The following FOXP1 variants were observed in gnomAD, a reference collection of about 807,000 sequenced individuals.
FOXP1 encodes forkhead box protein P1.
Under a neutral mutation model 98.2 loss-of-function variants are expected in FOXP1, and 15 were observed. The ratio of observed to expected loss-of-function variants is 0.15; its 90% CI spans 0.10 to 0.24. The LOEUF is 0.24. FOXP1 is among the 10% of genes least tolerant of loss of function. The pLI, the probability that FOXP1 is intolerant of heterozygous loss-of-function variation, is 1.00. For synonymous variants in FOXP1, 371 were observed against 314.5 expected, an observed-to-expected ratio of 1.18 and a Z score of -1.90; for missense variants, 633 against 848.5, an observed-to-expected ratio of 0.75 and a Z score of 3.15.
chr3:71,253,006 A>G (rs914379512), intron 5 of FOXP1, among the ~76,000 whole-genome samples: 4 of 152,120 alleles, frequency 2.6e-5, no homozygotes, highest in East Asian at 1.9e-4. Context: ...AGCATCCACA[A>G]TGCAGCTGAC....
intron 3 of FOXP1, among the ~76,000 whole-genome samples, chr3:71,465,492 T>G (rs1173410263): frequency 6.6e-6 from 1 of 152,154 alleles, no homozygotes; most frequent in Non-Finnish European, 1.5e-5. Context: ...GGACGTGGTC[T>G]AACCTAAGCC....
At chr3:71,353,963 T>C (rs1389280284) in intron 4 of FOXP1, among the ~76,000 whole-genome samples, 2 of 152,078 alleles carry the variant, frequency 1.3e-5, no homozygotes, top group Non-Finnish European at 2.9e-5. Flanking sequence ...AAAAGAGAAG[T>C]GATGTGAATT....
At chr3:71,476,474 T>C (rs752822234) in intron 3 of FOXP1, among the ~76,000 whole-genome samples, 4 of 152,082 alleles carry the variant, frequency 2.6e-5, no homozygotes, top group Admixed American at 1.3e-4. Context: ...ATCAGTTATG[T>C]CTACGACTGC....
intron 5 of FOXP1, among the ~76,000 whole-genome samples, chr3:71,205,530 A>G (rs560311291): frequency 9.2e-5 from 14 of 152,322 alleles, no homozygotes; most frequent in Non-Finnish European, 1.9e-4. Flanking sequence ...AAACCAAAAC[A>G]AATGTGGCCA....
intron 19 of FOXP1, among the ~76,000 whole-genome samples, chr3:70,967,412 A>G (rs1252783184): frequency 6.6e-6 from 1 of 152,148 alleles, no homozygotes; most frequent in Non-Finnish European, 1.5e-5. Context: ...GCTCGGCCCT[A>G]TGTAAGCCCA....
intron 7 of FOXP1, among the ~76,000 whole-genome samples, chr3:71,061,873 A>G (rs2051542787): frequency 6.6e-6 from 1 of 152,206 alleles, no homozygotes; most frequent in African/African-American, 2.4e-5. Flanking sequence ...CTGAGAAGCT[A>G]GTCACAACAT....
chr3:71,161,663 G>C (rs73838201), intron 6 of FOXP1, among the ~76,000 whole-genome samples: 3,664 of 152,318 alleles, frequency 0.024, 151 homozygotes, highest in African/African-American at 0.083. Flanking sequence ...TGTCAAGCAA[G>C]AGAATTTAAG....
intron 2 of FOXP1, among the ~76,000 whole-genome samples, chr3:71,545,608 TAA>T (rs1430774481): frequency 2.0e-5 from 3 of 152,342 alleles, no homozygotes; most frequent in African/African-American, 4.8e-5. Flanking sequence ...TTTAAAATCC[TAA>T]AAGTTTTCAG....
intron 5 of FOXP1, among the ~76,000 whole-genome samples, chr3:71,253,448 G>A (rs945785172): frequency 2.0e-4 from 31 of 152,252 alleles, no homozygotes; most frequent in African/African-American, 7.2e-4. Context: ...AATGATACAT[G>A]TCCAAGTTCT....
intron 5 of FOXP1, among the ~76,000 whole-genome samples, chr3:71,250,722 G>A (rs2068117339): frequency 6.6e-6 from 1 of 152,212 alleles, no homozygotes; most frequent in Non-Finnish European, 1.5e-5. Flanking sequence ...CCTGAGGTCA[G>A]GAGTTCGAGA....
At chr3:71,057,748 A>G (rs527545345) in intron 7 of FOXP1, among the ~76,000 whole-genome samples, 1 of 152,282 alleles carries the variant, frequency 6.6e-6, no homozygotes, top group South Asian at 2.1e-4. Context: ...AACACACGGC[A>G]TGATACACTG....
intron 4 of FOXP1, among the ~76,000 whole-genome samples, chr3:71,328,974 T>TAAAA (rs869252301): frequency 0.011 from 334 of 31,164 alleles, 31 homozygotes; most frequent in African/African-American, 0.028. Flanking sequence ...TCCATCTCGC[T>TAAAA]AAAAAAAAAA....
chr3:70,957,741 A>G lies in FOXP1; in HGVS notation c.*1506T>C, dbSNP rs1170965586. On this transcript the variant is annotated 3_prime_UTR_variant, in exon 21 of 21. Coordinates refer to ENST00000649528, the MANE Select transcript of FOXP1 (RefSeq NM_001349338.3). The stretch of plus-strand genomic sequence containing the variant: ...GCCCAGGGCCTACATGATATCTTCT[A>G]TGAGTTTTTGTGATACTGGGTTGGT... 3 of 233,514 alleles carry G rather than the reference A, an allele frequency of 1.3e-5. No individual in the cohort carries two copies. The highest frequency in any genetic ancestry group is 4.4e-5 in the African/African-American group (2 of 45,318). The allele number at this position is 233,514 out of a possible 1,614,324, so 14.5% of individuals were successfully genotyped here. A position where few individuals can be genotyped will look rare whatever the true frequency, so the allele number is the denominator to read the frequency against.
chr3:71,328,974 T>TTA (rs1325008470), intron 4 of FOXP1, among the ~76,000 whole-genome samples: 1 of 31,166 alleles, frequency 3.2e-5, no homozygotes, highest in African/African-American at 9.0e-5. Context: ...TCCATCTCGC[T>TTA]AAAAAAAAAA....
At chr3:71,018,008 T>C (rs745342130) in intron 11 of FOXP1, among the ~76,000 whole-genome samples, 2 of 152,206 alleles carry the variant, frequency 1.3e-5, no homozygotes, top group African/African-American at 2.4e-5. Flanking sequence ...TTAATATTAC[T>C]AGTTAAGAAC....
chr3:71,301,153 G>T (rs1171988975), intron 4 of FOXP1, among the ~76,000 whole-genome samples: 2 of 152,150 alleles, frequency 1.3e-5, no homozygotes, highest in East Asian at 3.9e-4. Flanking sequence ...CACCATTTGG[G>T]TGGGGGAAAA....
At chr3:71,334,757 A>AAT (rs2076567499) in intron 4 of FOXP1, 1 of 152,196 alleles carries the variant, frequency 6.6e-6, no homozygotes, top group East Asian at 1.9e-4. Context: ...GAATTCAGGG[A>AAT]ATACAGTACC....
chr3:71,515,433 C>CAAAAA lies in FOXP1; in HGVS notation c.-297-21883_-297-21879dup, dbSNP rs35322006. Among the ~76,000 whole-genome samples the CAAAAA allele has an allele frequency of 3.6e-4, 35 of 96,888 alleles. 3 individuals carry two copies. Among genetic ancestry groups the CAAAAA allele is most frequent in the Non-Finnish European group, 4.3e-4 (21 of 48,626 alleles). 63.6% of individuals were successfully genotyped at this position (96,888 alleles called of 152,430 possible). A position where few individuals can be genotyped will look rare whatever the true frequency, so the allele number is the denominator to read the frequency against. ...TTCCCTTTGATCAAAATTTACACAG[C>CAAAAA]AAAAAAAAAAAAAAAAAAAACTGCA... On this transcript the variant is annotated intron_variant, in intron 2 of 20. Transcript: ENST00000649528.
chr3:70,979,275 A>G, intron 14 of FOXP1, among the ~76,000 whole-genome samples: 1 of 111,098 alleles, frequency 9.0e-6, no homozygotes. Flanking sequence ...GTGAGACTCT[A>G]CCTCAAAAAA....
Sources: gnomAD v4.1 joint callset for allele counts (sites outside exome capture counted in the v4.1 genomes callset) on GRCh38, gnomAD v4.1.1 for gene constraint, MANE v1.5 for transcripts, NCBI Gene and HGNC (gene_info 2026-07-23, HGNC 2026-07-21) for gene names.